Variants in STAM2 observed in about 807,000 individuals in gnomAD.
STAM2 encodes signal transducing adaptor molecule 2, also known as signal transducing adapter molecule 2.
STAM2 carries 51 observed loss-of-function variants against 65.6 expected under a neutral mutation model. The observed-to-expected ratio is 0.78, with a 90% CI of 0.62 to 0.98. STAM2 has a LOEUF of 0.98. Among genes scored for constraint, STAM2 ranks in the 50% least tolerant of loss-of-function variants. The pLI, the probability that STAM2 is intolerant of heterozygous loss-of-function variation, is 0.00. For missense variants in STAM2, 584 were observed against 617.8 expected (o/e 0.95, Z 0.58); for synonymous variants, 198 against 208.4 (o/e 0.95, Z 0.43).
chr2:152,155,899 G>C (rs1174888601), intron 1 of STAM2, among the ~76,000 whole-genome samples: 1 of 152,064 alleles, frequency 6.6e-6, no homozygotes, highest in Non-Finnish European at 1.5e-5. Context: ...CGAATTTTTT[G>C]TCAGTTCTAT....
At chr2:152,159,110 TAC>T (rs1553847557) in intron 1 of STAM2, among the ~76,000 whole-genome samples, 4 of 129,202 alleles carry the variant, frequency 3.1e-5, no homozygotes, top group African/African-American at 9.8e-5. Context: ...TATATATATA[TAC>T]ACACACAGAT....
At position 152,155,724 on chromosome 2, in the gene STAM2, T is replaced by C. The variant is rs1689529820; in HGVS notation, c.41-5495A>G. 1.3e-5 allele frequency among the ~76,000 whole-genome samples: 2 copies of C among 152,344 alleles called. 1 individual carries two copies. The highest frequency in any genetic ancestry group is 1.3e-4 in the Admixed American group (2 of 15,310). On this transcript the variant is annotated intron_variant, in intron 1 of 13. Coordinates refer to ENST00000263904, the MANE Select transcript of STAM2 (RefSeq NM_005843.6). The stretch of plus-strand genomic sequence containing the variant: ...ATCTACCATTTTTCTTTTTATAGTG[T>C]CATTTAGCATACTGTTTGAATTACC...
chr2:152,131,956 G>T (rs1689072005), intron 11 of STAM2, 158 bp downstream of exon 11: 4 of 571,374 alleles, frequency 7.0e-6, no homozygotes, highest in Non-Finnish European at 1.2e-5. Flanking sequence ...AAGATAAAAA[G>T]CACCACCTTG....
intron 7 of STAM2, among the ~76,000 whole-genome samples, chr2:152,143,434 G>T (rs1210422947): frequency 6.6e-6 from 1 of 152,180 alleles, no homozygotes; most frequent in African/African-American, 2.4e-5. Flanking sequence ...AAGAATTGGG[G>T]AGGAGCCAAG....
chr2:152,141,880 C>T (rs1462356341), intron 7 of STAM2, among the ~76,000 whole-genome samples: 2 of 152,136 alleles, frequency 1.3e-5, no homozygotes, highest in Admixed American at 6.5e-5. Context: ...TTAGCCACCA[C>T]GCCCTGCCAG....
chr2:152,168,021 A>C (rs1560225321), intron 1 of STAM2, among the ~76,000 whole-genome samples: 1 of 152,180 alleles, frequency 6.6e-6, no homozygotes, highest in Non-Finnish European at 1.5e-5. Flanking sequence ...TAGACAACCA[A>C]GGAGGAAAAA....
At chr2:152,158,505 C>T (rs1023362160) in intron 1 of STAM2, among the ~76,000 whole-genome samples, 1 of 151,940 alleles carries the variant, frequency 6.6e-6, no homozygotes, top group Non-Finnish European at 1.5e-5. Flanking sequence ...TTGTAATACC[C>T]GATCACGTGG....
chr2:152,174,904 T>C (rs1244328261), intron 1 of STAM2, among the ~76,000 whole-genome samples: 1 of 152,220 alleles, frequency 6.6e-6, no homozygotes, highest in Non-Finnish European at 1.5e-5. Context: ...TTTTTCTCAT[T>C]CTATAGTCAC....
chr2:152,153,743 T>G (rs1023987371), intron 1 of STAM2, among the ~76,000 whole-genome samples: 1 of 152,186 alleles, frequency 6.6e-6, no homozygotes, highest in Non-Finnish European at 1.5e-5. Context: ...TTTAGAGGCT[T>G]AAAAGGCTTA....
chr2:152,165,152 G>A (rs1395506942), intron 1 of STAM2, among the ~76,000 whole-genome samples: 3 of 152,094 alleles, frequency 2.0e-5, no homozygotes, highest in Admixed American at 1.3e-4. Context: ...TCGGTCGGGC[G>A]CGGTGGCTCA....
At chr2:152,172,581 G>A (rs1689915568) in intron 1 of STAM2, among the ~76,000 whole-genome samples, 1 of 152,016 alleles carries the variant, frequency 6.6e-6, no homozygotes, top group African/African-American at 2.4e-5. Flanking sequence ...GAGAAGGGGG[G>A]GAGGAGGCTG....
chr2:152,153,700 A>G (rs1461993392), intron 1 of STAM2, among the ~76,000 whole-genome samples: 1 of 152,176 alleles, frequency 6.6e-6, no homozygotes, highest in Non-Finnish European at 1.5e-5. Context: ...CAAAAAGACT[A>G]TTGCTTTGGA....
At chr2:152,137,359 G>A (rs964694535) in intron 7 of STAM2, among the ~76,000 whole-genome samples, 3 of 152,130 alleles carry the variant, frequency 2.0e-5, no homozygotes, top group African/African-American at 4.8e-5. Context: ...TTCATTGTAT[G>A]CACTTGCATT....
chr2:152,143,092 T>G (rs1180822161), intron 7 of STAM2, among the ~76,000 whole-genome samples: 1 of 152,340 alleles, frequency 6.6e-6, no homozygotes, highest in South Asian at 2.1e-4. Context: ...GACAGAACTG[T>G]GTCCTCATTT....
intron 2 of STAM2, among the ~76,000 whole-genome samples, chr2:152,149,161 TCTA>T (rs1239231662): frequency 1.3e-5 from 2 of 152,130 alleles, no homozygotes; most frequent in African/African-American, 4.8e-5. Flanking sequence ...TGTTATATTA[TCTA>T]CTGTGTTATC....
chr2:152,152,752 G>C (rs1315563296), intron 1 of STAM2, among the ~76,000 whole-genome samples: 2 of 152,018 alleles, frequency 1.3e-5, no homozygotes, highest in African/African-American at 4.8e-5. Context: ...CTATACTATG[G>C]TACATTCCCA....
intron 2 of STAM2, among the ~76,000 whole-genome samples, chr2:152,148,686 A>G (rs1440075448): frequency 6.6e-6 from 1 of 152,194 alleles, no homozygotes; most frequent in Non-Finnish European, 1.5e-5. Context: ...AAATAAAAAT[A>G]AACTAAACTA....
At chr2:152,168,603 T>G (rs747999728) in intron 1 of STAM2, among the ~76,000 whole-genome samples, 4 of 152,220 alleles carry the variant, frequency 2.6e-5, no homozygotes, top group Non-Finnish European at 5.9e-5. Context: ...TACTTACAAA[T>G]TATACATAAG....
intron 1 of STAM2, among the ~76,000 whole-genome samples, chr2:152,156,834 GCTC>G (rs1467774803): frequency 6.6e-6 from 1 of 151,992 alleles, no homozygotes; most frequent in Non-Finnish European, 1.5e-5. Flanking sequence ...AAACTTTAAA[GCTC>G]CTCCTATTAT....
Sources: allele counts gnomAD v4.1 joint callset (sites outside exome capture counted in the v4.1 genomes callset), GRCh38; gene constraint gnomAD v4.1.1; transcripts MANE v1.5; gene names NCBI Gene and HGNC (gene_info 2026-07-23, HGNC 2026-07-21).